RAP1GAP2: variants seen among roughly 807,000 people sequenced by gnomAD.
The protein encoded by RAP1GAP2 is rap1 GTPase-activating protein 2.
RAP1GAP2 carries 27 observed loss-of-function variants against 95.0 expected under a neutral mutation model. The ratio of observed to expected loss-of-function variants is 0.28; its 90% confidence interval spans 0.21 to 0.39. The LOEUF (loss-of-function observed/expected upper bound fraction) is 0.39. Ranked by LOEUF, RAP1GAP2 falls within the 10% of genes least tolerant of loss-of-function variation. The pLI is 1.00. For missense variants in RAP1GAP2, 771 were observed against 970.0 expected, an observed-to-expected ratio of 0.79 and a Z score of 2.72; for synonymous variants, 373 against 380.9, an observed-to-expected ratio of 0.98 and a Z score of 0.24.
Position 3,036,341 on chromosome 17 carries a change from C to CGGAAT in RAP1GAP2, c.*2980_*2981insGGAAT, listed in dbSNP as rs2047465573. Reference sequence around the variant, plus strand: ...TGTTGGCAAAGCTGGGATTAGAACCCTCAACCCAGGGTCCCTTCCTCTGCA... The same window carrying CGGAAT: ...TGTTGGCAAAGCTGGGATTAGAACCCGGAATTCAACCCAGGGTCCCTTCCTCTGCA... On this transcript the variant is annotated 3_prime_UTR_variant, in exon 25 of 25. Coordinates refer to ENST00000254695, the MANE Select transcript of RAP1GAP2 (RefSeq NM_015085.5). 2 of 152,222 alleles carry CGGAAT rather than the reference C, an allele frequency of 1.3e-5. No individual in the cohort carries two copies. Among genetic ancestry groups the CGGAAT allele is most frequent in the African/African-American group, 2.4e-5 (1 of 41,456 alleles). The allele number at this position is 152,222 out of a possible 1,614,324, so 9.4% of individuals were successfully genotyped here.
At chr17:2,911,436 A>T (rs1296377250) in intron 3 of RAP1GAP2, among the ~76,000 whole-genome samples, 2 of 149,840 alleles carry the variant, frequency 1.3e-5, no homozygotes, top group East Asian at 3.9e-4. Context: ...CCAGGCCCAT[A>T]TTTTTTTTTG....
chr17:2,996,290 TC>T (rs2045960641), intron 13 of RAP1GAP2, among the ~76,000 whole-genome samples: 1 of 152,180 alleles, frequency 6.6e-6, no homozygotes, highest in South Asian at 2.1e-4. Flanking sequence ...CAGCCGTGCA[TC>T]CCTGGGGAGA....
chr17:3,022,806 C>G (rs1035168855), intron 19 of RAP1GAP2, among the ~76,000 whole-genome samples: 1 of 152,032 alleles, frequency 6.6e-6, no homozygotes, highest in African/African-American at 2.4e-5. Context: ...AAGTTTTTGC[C>G]CAGACAGACC....
Position 2,867,260 on chromosome 17 carries a change from A to T in RAP1GAP2, c.81-38024A>T, listed in dbSNP as rs1016638508. ...TTTTGGTTTGAAGTGGCAAGCCCCA[A>T]TTCAAATTAATGTAAAGAAAAAATG... On this transcript the variant is annotated intron_variant, in intron 2 of 24. Transcript: ENST00000254695. This position sits in a 1 kb window ranked among gnomAD's most constrained non-coding sequence, Gnocchi z 4.5. Among the ~76,000 whole-genome samples the T allele has an allele frequency of 6.6e-6, 1 of 152,170 alleles. No homozygotes were observed. The highest frequency in any genetic ancestry group is 1.5e-5 in the Non-Finnish European group (1 of 68,048).
chr17:2,854,065 C>T, intron 2 of RAP1GAP2: 2 of 985,346 alleles, frequency 2.0e-6, no homozygotes, highest in Non-Finnish European at 2.4e-6. Flanking sequence ...GCTCATCGGA[C>T]TCCTGCACAA....
At chr17:2,816,620 A>C (rs2070041574) in intron 2 of RAP1GAP2, among the ~76,000 whole-genome samples, 1 of 151,564 alleles carries the variant, frequency 6.6e-6, no homozygotes, top group East Asian at 1.9e-4. Flanking sequence ...ATTACATCAA[A>C]GTCTTTTTAA....
chr17:2,927,373 TCG>T (rs1567787334), intron 3 of RAP1GAP2, among the ~76,000 whole-genome samples: 2 of 151,756 alleles, frequency 1.3e-5, no homozygotes, highest in Non-Finnish European at 2.9e-5. Flanking sequence ...CAGGATGGTC[TCG>T]ATCTCCTGAC....
At chr17:2,777,304 A>C (rs1031889954) in intron 1 of RAP1GAP2, 1 of 152,270 alleles carries the variant, frequency 6.6e-6, no homozygotes, top group African/African-American at 2.4e-5. Flanking sequence ...GTGGTGGTAG[A>C]AGGAAAACAG....
At chr17:2,910,488 T>C (rs1251956956) in intron 3 of RAP1GAP2, among the ~76,000 whole-genome samples, 1 of 152,150 alleles carries the variant, frequency 6.6e-6, no homozygotes, top group Non-Finnish European at 1.5e-5. Context: ...ATGAATCAGT[T>C]CTCTGTTCTT....
intron 3 of RAP1GAP2, among the ~76,000 whole-genome samples, chr17:2,945,023 G>T (rs535619520): frequency 3.3e-5 from 5 of 151,942 alleles, no homozygotes; most frequent in African/African-American, 1.2e-4. Context: ...ACAGGCGCCC[G>T]CCACCACGCC....
In RAP1GAP2 at chr17:2,981,563, G is replaced by A. The variant is rs370038903; in HGVS notation, c.729+315G>A. Among the ~76,000 whole-genome samples, 253 of 152,242 alleles carry A rather than the reference G, an allele frequency of 1.7e-3. 2 individuals are homozygous for A. The highest frequency in any genetic ancestry group is 6.8e-3 in the Middle Eastern group (2 of 294). On this transcript the variant is annotated intron_variant, in intron 10 of 24. Coordinates refer to ENST00000254695, the MANE Select transcript of RAP1GAP2 (RefSeq NM_015085.5). ...CCTGAGGCCAGTGCTGGAGGTGGAC[G>A]TGACTCTGTAGCTGGGGGCTGGTGC... is the stretch of plus-strand genomic sequence containing the variant.
In RAP1GAP2 at chr17:2,822,554, G is replaced by A. The variant is rs1460676057; in HGVS notation, c.80+22004G>A. 8.5e-5 allele frequency among the ~76,000 whole-genome samples: 13 copies of A among 152,106 alleles called. No homozygotes were observed. In the East Asian group the frequency reaches 2.1e-3, roughly 25 times the overall value. ...GTGGGAGGATTGCTTGAGCCCAGGA[G>A]TGGGAAGCTGCAGTGAGCTATGATC... is the stretch of plus-strand genomic sequence containing the variant. On this transcript the variant is annotated intron_variant, in intron 2 of 24. Transcript: ENST00000254695.
Position 2,835,960 on chromosome 17 carries a change from G to T in RAP1GAP2, c.80+35410G>T, listed in dbSNP as rs999841338. ...TGTGCCAGCCCTGCCTTTTCCTTGGGTGTGGTTGAGAGGACTGTGCGCAGA... is the reference window on the plus strand; with the variant it reads ...TGTGCCAGCCCTGCCTTTTCCTTGGTTGTGGTTGAGAGGACTGTGCGCAGA... On this transcript the variant is annotated intron_variant, in intron 2 of 24. Coordinates refer to ENST00000254695, the MANE Select transcript of RAP1GAP2 (RefSeq NM_015085.5). 3.3e-5 allele frequency among the ~76,000 whole-genome samples: 5 copies of T among 152,280 alleles called. No homozygotes were observed. In the South Asian group the frequency reaches 1.0e-3, roughly 32 times the overall value.
chr17:2,994,202 A>T (rs988891256), intron 12 of RAP1GAP2, among the ~76,000 whole-genome samples: 1 of 152,184 alleles, frequency 6.6e-6, no homozygotes, highest in Non-Finnish European at 1.5e-5. Flanking sequence ...TGGCAGAAGC[A>T]GGTCTAGAAC....
intron 2 of RAP1GAP2, among the ~76,000 whole-genome samples, chr17:2,901,294 C>A (rs1276951695): frequency 3.3e-5 from 5 of 152,186 alleles, no homozygotes; most frequent in African/African-American, 4.8e-5. Flanking sequence ...CCTGCCCTTC[C>A]AGCCTGCCCT....
chr17:2,980,318 C>G lies in RAP1GAP2; in HGVS notation c.628C>G (p.Pro210Ala), dbSNP rs1411244014. 6.2e-7 allele frequency: 1 copy of G among 1,613,920 alleles called. No individual in the cohort carries two copies. The highest frequency in any genetic ancestry group is 1.7e-5 in the Admixed American group (1 of 60,010). ...ACTGAAGACGGTACATGAGCGGATC[C>G]CCTTGGCTGGACTGAGCAAGCTTCC... The part of the protein sequence containing the change: ...SKLKTVHERI[P>A]LAGLSKLPSV... Residue 210 changes from proline (P) to alanine (A), a missense_variant, in exon 9 of 25, where the codon CCC becomes GCC. By Grantham distance (27) the Pro-to-Ala change is conservative (BLOSUM62 -1). Transcript: ENST00000254695.
At chr17:2,916,854 T>G (rs1567775232) in intron 3 of RAP1GAP2, among the ~76,000 whole-genome samples, 1 of 152,196 alleles carries the variant, frequency 6.6e-6, no homozygotes, top group African/African-American at 2.4e-5. Context: ...TCAGAGTCCC[T>G]TGCCTCTTCT....
At chr17:2,985,628 A>G (rs2045531247) in intron 11 of RAP1GAP2, among the ~76,000 whole-genome samples, 1 of 152,206 alleles carries the variant, frequency 6.6e-6, no homozygotes, top group African/African-American at 2.4e-5. Flanking sequence ...ATATGCCAGC[A>G]CACCACTGCT....
chr17:3,008,168 T>A lies in RAP1GAP2; in HGVS notation c.1494+23T>A, dbSNP rs774499422. On this transcript the variant is annotated intron_variant, in intron 17 of 24. Transcript: ENST00000254695. This position sits in a 1 kb window ranked among gnomAD's most constrained non-coding sequence, Gnocchi z 4.2. Reference sequence around the variant, plus strand: ...AAGGTATGAGCGTCAGAGTGACTGATGGTTGCTGTGGGGTTGGGATTGGGG... The same window carrying A: ...AAGGTATGAGCGTCAGAGTGACTGAAGGTTGCTGTGGGGTTGGGATTGGGG... 12 of 1,613,134 alleles carry A rather than the reference T, an allele frequency of 7.4e-6. No individual in the cohort carries two copies. Among genetic ancestry groups the A allele is most frequent in the Admixed American group, 3.3e-5 (2 of 59,982 alleles).
Sources: allele counts gnomAD v4.1 joint callset (sites outside exome capture counted in the v4.1 genomes callset), GRCh38; gene constraint gnomAD v4.1.1; non-coding constraint Gnocchi (gnomAD v3.1); transcripts MANE v1.5; gene names NCBI Gene and HGNC (gene_info 2026-07-23, HGNC 2026-07-21).